Variants in DTNA observed in about 807,000 individuals in gnomAD.
DTNA encodes the protein dystrobrevin alpha, also known as dystrophin-related protein 3.
DTNA carries 43 observed loss-of-function variants against 100.7 expected under a neutral mutation model. The observed-to-expected ratio is 0.43, with a 90% CI of 0.33 to 0.55. The LOEUF is 0.55. DTNA is among the 20% of genes least tolerant of loss of function. The pLI is 0.04. For missense variants in DTNA, 798 were observed against 953.9 expected (o/e 0.84, Z 2.15); for synonymous variants, 349 against 347.9 (o/e 1.00, Z -0.04).
intron 3 of DTNA, among the ~76,000 whole-genome samples, chr18:34,772,571 GT>G (rs869199279): frequency 1.3e-5 from 1 of 79,700 alleles, no homozygotes; most frequent in Admixed American, 1.7e-4. Context: ...TGTGGCAGGA[GT>G]AGCCTTGAGC....
intron 1 of DTNA, among the ~76,000 whole-genome samples, chr18:34,723,853 C>T (rs1359516582): frequency 4.0e-5 from 6 of 151,634 alleles, no homozygotes; most frequent in Non-Finnish European, 7.4e-5. Context: ...GAGCCAAGAT[C>T]GTGCCACTGC....
chr18:34,746,229 C>G (rs559514122), intron 1 of DTNA, among the ~76,000 whole-genome samples: 43 of 151,436 alleles, frequency 2.8e-4, no homozygotes, highest in Non-Finnish European at 5.4e-4. Context: ...TTCATTTATA[C>G]CTAATCCTGC....
chr18:34,625,141 TC>T (rs2057135454), intron 1 of DTNA, among the ~76,000 whole-genome samples: 1 of 152,080 alleles, frequency 6.6e-6, no homozygotes, highest in Admixed American at 6.6e-5. Flanking sequence ...TTCAAGCAGT[TC>T]CCCTGCCTCA....
At chr18:34,755,946 A>G (rs775485259) in intron 1 of DTNA, 30 bp from the exon 2 acceptor site, 1 of 1,598,616 alleles carries the variant, frequency 6.3e-7, no homozygotes, top group Non-Finnish European at 8.6e-7. Flanking sequence ...GCGTGAGGAT[A>G]ATACACATTG....
At chr18:34,656,110 A>G (rs757819237) in intron 1 of DTNA, among the ~76,000 whole-genome samples, 11 of 152,222 alleles carry the variant, frequency 7.2e-5, no homozygotes, top group Admixed American at 2.6e-4. Context: ...TGTGGTTTGC[A>G]TTACAGGATG....
At chr18:34,610,587 A>G (rs2054026677) in intron 1 of DTNA, among the ~76,000 whole-genome samples, 1 of 152,248 alleles carries the variant, frequency 6.6e-6, no homozygotes. Flanking sequence ...GATCTGGGAA[A>G]GGGTGCAGAG....
At chr18:34,617,959 C>G (rs183755809) in intron 1 of DTNA, among the ~76,000 whole-genome samples, 39 of 152,218 alleles carry the variant, frequency 2.6e-4, no homozygotes, top group African/African-American at 8.9e-4. Flanking sequence ...TTTTAGAGAA[C>G]TAATTTATCT....
chr18:34,820,049 T>G (rs1686799395), intron 8 of DTNA, among the ~76,000 whole-genome samples: 1 of 150,792 alleles, frequency 6.6e-6, no homozygotes, highest in Admixed American at 6.6e-5. Flanking sequence ...GGTAGGCTAC[T>G]TTTTATAAAA....
intron 1 of DTNA, among the ~76,000 whole-genome samples, chr18:34,522,979 A>G (rs1170384210): frequency 1.3e-5 from 2 of 152,238 alleles, no homozygotes; most frequent in African/African-American, 4.8e-5. Flanking sequence ...AGCGTCAGGA[A>G]AGATGAGCTT....
At chr18:34,620,207 G>A (rs2056194162) in intron 1 of DTNA, among the ~76,000 whole-genome samples, 1 of 152,212 alleles carries the variant, frequency 6.6e-6, no homozygotes, top group South Asian at 2.1e-4. Flanking sequence ...GGGAGATGGA[G>A]AAGTTTAGAC....
chr18:34,593,619 T>A (rs1260779267), intron 1 of DTNA: 1 of 152,224 alleles, frequency 6.6e-6, no homozygotes, highest in East Asian at 1.9e-4. Context: ...TCTGTGTGAA[T>A]GAAAAGGTCA....
intron 1 of DTNA, among the ~76,000 whole-genome samples, chr18:34,736,939 A>G (rs1210659173): frequency 6.6e-6 from 1 of 152,202 alleles, no homozygotes; most frequent in Non-Finnish European, 1.5e-5. Context: ...ACAGGGCATC[A>G]GTTTTGTGAG....
At chr18:34,797,438 A>T (rs1177229000) in intron 4 of DTNA, among the ~76,000 whole-genome samples, 27 of 151,962 alleles carry the variant, frequency 1.8e-4, no homozygotes, top group Non-Finnish European at 4.4e-5. Flanking sequence ...CTTTCCTCCG[A>T]TCACCCCAGG....
chr18:34,846,071 T>A (rs1253357499), intron 13 of DTNA, among the ~76,000 whole-genome samples: 2 of 152,124 alleles, frequency 1.3e-5, no homozygotes, highest in African/African-American at 4.8e-5. Flanking sequence ...GTTTTCGAGA[T>A]CTTCTAGATC....
rs140323473 is a variant in DTNA, at chr18:34,882,019, A to G, written c.2163-50A>G. The G allele has an allele frequency of 5.5e-4, 890 of 1,613,552 alleles. 10 individuals are homozygous for G. The African/African-American group carries it at 0.011, about 20-fold the overall frequency. On this transcript the variant is annotated intron_variant, in intron 20 of 22. Transcript: ENST00000444659. Reference sequence around the variant, plus strand: ...CAGCTCACACATGAATCCCGCTTGTAATTCTCTTTTAAGATTTGCTCTAAC... The same window carrying G: ...CAGCTCACACATGAATCCCGCTTGTGATTCTCTTTTAAGATTTGCTCTAAC...
At chr18:34,874,231 G>T (rs188430862) in intron 17 of DTNA, among the ~76,000 whole-genome samples, 70 of 152,210 alleles carry the variant, frequency 4.6e-4, no homozygotes, top group African/African-American at 1.7e-3. Flanking sequence ...ATGACTCTCT[G>T]GGCCTTGCTG....
At chr18:34,736,467 C>T (rs1297831480) in intron 1 of DTNA, among the ~76,000 whole-genome samples, 1 of 152,086 alleles carries the variant, frequency 6.6e-6, no homozygotes, top group Non-Finnish European at 1.5e-5. Flanking sequence ...GCTATTTTGT[C>T]ATGGATCTTA....
chr18:34,683,888 T>C (rs1205890940), intron 1 of DTNA, among the ~76,000 whole-genome samples: 1 of 152,106 alleles, frequency 6.6e-6, no homozygotes, highest in East Asian at 1.9e-4. Context: ...TAATTATATA[T>C]ACTACATAAT....
intron 1 of DTNA, among the ~76,000 whole-genome samples, chr18:34,651,257 G>A (rs944637096): frequency 6.6e-6 from 1 of 152,074 alleles, no homozygotes; most frequent in Non-Finnish European, 1.5e-5. Flanking sequence ...TTGCATTTAT[G>A]ATATCATTTA....
Sources: gnomAD v4.1 joint callset for allele counts (sites outside exome capture counted in the v4.1 genomes callset) on GRCh38, gnomAD v4.1.1 for gene constraint, MANE v1.5 for transcripts, NCBI Gene and HGNC (gene_info 2026-07-23, HGNC 2026-07-21) for gene names.